Variants in CPAMD8 observed in about 807,000 individuals in gnomAD.
CPAMD8 encodes C3 and PZP like alpha-2-macroglobulin domain containing 8, also known as C3 and PZP-like alpha-2-macroglobulin domain-containing protein 8.
A neutral mutation model predicts 224.7 loss-of-function variants in CPAMD8; 146 were observed. That is an observed-to-expected ratio of 0.65 (90% CI 0.57 to 0.75). The LOEUF (loss-of-function observed/expected upper bound fraction) is 0.75, where lower values mean the gene tolerates loss of function less well. Among genes scored for constraint, CPAMD8 ranks in the 30% least tolerant of loss-of-function variants. The pLI, the probability that CPAMD8 is intolerant of heterozygous loss-of-function variation, is 0.00. For missense variants in CPAMD8, 2,301 were observed against 2,537.5 expected, an observed-to-expected ratio of 0.91 and a Z score of 2.00; for synonymous variants, 966 against 1,044.6, an observed-to-expected ratio of 0.92 and a Z score of 1.45.
Position 16,898,128 on chromosome 19 carries a change from T to G in CPAMD8, c.4849-134A>C. 1 of 623,650 alleles carries G rather than the reference T, an allele frequency of 1.6e-6. No individual in the cohort carries two copies. The highest frequency in any genetic ancestry group is 2.9e-5 in the East Asian group (1 of 34,110). 38.6% of individuals were successfully genotyped at this position (623,650 alleles called of 1,614,324 possible). ...AGAAGAAACGTGATCCCATTTTCTT[T>G]TTTTCTTTTACTTTTCTTTTTTTTT... On this transcript the variant is annotated intron_variant, in intron 37 of 41. Transcript: ENST00000443236. This position sits in a 1 kb window ranked among gnomAD's most constrained non-coding sequence, Gnocchi z 4.2.
intron 35 of CPAMD8, 84 bp from the exon 36 acceptor site, chr19:16,901,381 C>T: frequency 1.1e-6 from 1 of 929,710 alleles, no homozygotes; most frequent in Non-Finnish European, 1.7e-6. Context: ...CTGGAGCCCA[C>T]ACAGCTGATG....
intron 6 of CPAMD8, 44 bp downstream of exon 6, chr19:17,009,259 C>G: frequency 1.2e-6 from 2 of 1,613,886 alleles, no homozygotes; most frequent in Non-Finnish European, 1.7e-6. Context: ...AGGTGGGCTA[C>G]CCGGGCCCCA....
In CPAMD8 at chr19:16,921,977, C is replaced by T. The variant is rs1284865686; in HGVS notation, c.3557G>A (p.Arg1186His). 3.9e-6 allele frequency: 6 copies of T among 1,547,530 alleles called. No homozygotes were observed. Among genetic ancestry groups the T allele is most frequent in the South Asian group, 3.6e-5 (3 of 84,036 alleles). Residue 1186 changes from arginine to histidine, a missense_variant, in exon 27 of 42, where the codon CGC becomes CAC. Coordinates refer to ENST00000443236, the MANE Select transcript of CPAMD8 (RefSeq NM_015692.5). The part of the protein sequence containing the change: ...TTDYLVQGYQ[R>H]QLTYKRQDGS... ...ATCCTGGCGCTTGTAGGTCAGCTGGCGCTGGTAGCCTGTGGGGCAAGCAGA... is the reference window on the plus strand; with the variant it reads ...ATCCTGGCGCTTGTAGGTCAGCTGGTGCTGGTAGCCTGTGGGGCAAGCAGA...
intron 5 of CPAMD8, 78 bp from the exon 6 acceptor site, chr19:17,009,398 C>T (rs1451817626): frequency 1.1e-5 from 18 of 1,610,002 alleles, no homozygotes; most frequent in Middle Eastern, 1.7e-4. Context: ...TGCATGGCCT[C>T]GGTCCCCGGG....
intron 1 of CPAMD8, among the ~76,000 whole-genome samples, chr19:17,022,494 CTT>C (rs77770067): frequency 6.9e-6 from 1 of 145,492 alleles, no homozygotes; most frequent in Non-Finnish European, 1.5e-5. Flanking sequence ...GCCCCAGGAC[CTT>C]TTTTTTTTTT....
chr19:16,896,952 C>T (rs940618778), intron 39 of CPAMD8: 2 of 306,154 alleles, frequency 6.5e-6, no homozygotes, highest in African/African-American at 2.2e-5. Flanking sequence ...AGCCCCGTCC[C>T]CTGCCGCGCC....
chr19:16,937,880 C>T (rs1439391848), intron 23 of CPAMD8, among the ~76,000 whole-genome samples: 6 of 152,186 alleles, frequency 3.9e-5, no homozygotes, highest in African/African-American at 7.2e-5. Flanking sequence ...GTCTCAAACT[C>T]CTAACCTTGT....
intron 29 of CPAMD8, among the ~76,000 whole-genome samples, chr19:16,909,797 C>G (rs1266579283): frequency 1.3e-5 from 2 of 152,136 alleles, no homozygotes; most frequent in Non-Finnish European, 2.9e-5. Flanking sequence ...CTCAGTGTTA[C>G]TCAGGCTGGA....
chr19:16,971,085 C>A (rs1167042281), intron 17 of CPAMD8, 52 bp from the exon 18 acceptor site: 16 of 1,495,880 alleles, frequency 1.1e-5, no homozygotes, highest in Non-Finnish European at 1.3e-5. Flanking sequence ...ATGCTGACAG[C>A]CCCCAGAAGC....
intron 32 of CPAMD8, 50 bp downstream of exon 32, chr19:16,904,176 A>ACGCCCCCCCCCC: frequency 3.2e-6 from 3 of 937,340 alleles, no homozygotes; most frequent in Non-Finnish European, 5.0e-6. Flanking sequence ...GACTGCAGGG[A>ACGCCCCCCCCCC]CCCCACCCAC....
Position 16,914,406 on chromosome 19 carries a change from A to G in CPAMD8, c.3861+18T>C, listed in dbSNP as rs772046280. 6.2e-7 allele frequency: 1 copy of G among 1,612,698 alleles called. No homozygotes were observed. Among genetic ancestry groups the G allele is most frequent in the Admixed American group, 1.7e-5 (1 of 60,010 alleles). The stretch of plus-strand genomic sequence containing the variant: ...CAGTGCCCAGCCCCGAGTCTCCCCA[A>G]ACCCCTTCTGTACTCACCTCTGAGG... On this transcript the variant is annotated intron_variant, in intron 29 of 41. Transcript: ENST00000443236.
intron 15 of CPAMD8, among the ~76,000 whole-genome samples, chr19:16,976,573 A>G (rs986766737): frequency 1.3e-5 from 2 of 151,942 alleles, no homozygotes; most frequent in African/African-American, 4.8e-5. Flanking sequence ...CACCAAGGAG[A>G]GTGGGTCTTT....
chr19:17,002,883 G>A (rs1404301233), intron 8 of CPAMD8, among the ~76,000 whole-genome samples: 2 of 150,296 alleles, frequency 1.3e-5, no homozygotes, highest in Admixed American at 6.6e-5. Flanking sequence ...GAATCTTTTC[G>A]TTCTTTCTTT....
intron 13 of CPAMD8, among the ~76,000 whole-genome samples, chr19:16,981,246 C>T (rs1038312473): frequency 3.0e-4 from 45 of 152,082 alleles, no homozygotes; most frequent in African/African-American, 1.1e-3. Context: ...CTGTAGTCCC[C>T]GCTACTCAGG....
In CPAMD8 at chr19:17,026,743, G is replaced by A. The variant is rs1272109319; in HGVS notation, c.-101C>T. On this transcript the variant is annotated 5_prime_UTR_variant, in exon 1 of 42. Transcript: ENST00000443236. The stretch of plus-strand genomic sequence containing the variant: ...GGCCGTCCTCGCGCCGCCGCCGGGG[G>A]CCCTTTGTTCGCAGCCCCCGCGCAG... 35 of 1,207,494 alleles carry A rather than the reference G, an allele frequency of 2.9e-5. No individual in the cohort carries two copies. The highest frequency in any genetic ancestry group is 3.9e-5 in the South Asian group (1 of 25,396). The allele number at this position is 1,207,494 out of a possible 1,614,324, so 74.8% of individuals were successfully genotyped here.
At chr19:16,941,542 C>T (rs1040397934) in intron 22 of CPAMD8, among the ~76,000 whole-genome samples, 1 of 152,144 alleles carries the variant, frequency 6.6e-6, no homozygotes, top group African/African-American at 2.4e-5. Context: ...GATTTGTGTT[C>T]CCACCCAAAT....
At chr19:16,916,116 C>T (rs1031336761) in intron 27 of CPAMD8, among the ~76,000 whole-genome samples, 1 of 151,922 alleles carries the variant, frequency 6.6e-6, no homozygotes, top group Admixed American at 6.6e-5. Flanking sequence ...CCAGCTCAAG[C>T]GATTCTCCCA....
chr19:16,945,056 G>C (rs938172936), intron 22 of CPAMD8, among the ~76,000 whole-genome samples: 1 of 152,124 alleles, frequency 6.6e-6, no homozygotes. Flanking sequence ...CTTACAGAGC[G>C]GGGCTGGAAA....
intron 41 of CPAMD8, 110 bp downstream of exon 41, chr19:16,896,065 CG>C: frequency 1.1e-6 from 1 of 927,278 alleles, no homozygotes; most frequent in Non-Finnish European, 1.5e-6. Context: ...AGTGGGGGGT[CG>C]GGGCGGGGCG....
Sources: gnomAD v4.1 joint callset for allele counts (sites outside exome capture counted in the v4.1 genomes callset) on GRCh38, gnomAD v4.1.1 for gene constraint, Gnocchi (gnomAD v3.1) non-coding constraint, MANE v1.5 for transcripts, NCBI Gene and HGNC (gene_info 2026-07-23, HGNC 2026-07-21) for gene names.